CMTR2: variants seen among roughly 807,000 people sequenced by gnomAD.
CMTR2 encodes cap methyltransferase 2.
Under a neutral mutation model 49.8 loss-of-function variants are expected in CMTR2, and 40 were observed. The observed-to-expected ratio is 0.80, with a 90% CI of 0.62 to 1.04. CMTR2 has a LOEUF of 1.04. CMTR2 is among the 50% of genes least tolerant of loss of function. The pLI, the probability that CMTR2 is intolerant of heterozygous loss-of-function variation, is 0.00. For missense variants in CMTR2, 907 were observed against 897.2 expected (o/e 1.01, Z -0.14); for synonymous variants, 326 against 315.8 (o/e 1.03, Z -0.34).
At chr16:71,288,813 T>C (rs1344882777) in intron 2 of CMTR2, 65 bp downstream of exon 2, 1 of 152,224 alleles carries the variant, frequency 6.6e-6, no homozygotes, top group African/African-American at 2.4e-5. Context: ...TAGGCAGTTA[T>C]GTAGCCCCCG....
Position 71,281,819 on chromosome 16 carries a change from C to G in CMTR2, c.*1789G>C, listed in dbSNP as rs1029194595. ...GAAGGGCTTAAAGACAGTAATAATGCTAGAATCTGGACCCATGCCTTCAAC... is the reference window on the plus strand; with the variant it reads ...GAAGGGCTTAAAGACAGTAATAATGGTAGAATCTGGACCCATGCCTTCAAC... On this transcript the variant is annotated 3_prime_UTR_variant, in exon 3 of 3. Transcript: ENST00000434935. The G allele has an allele frequency of 7.2e-5, 11 of 151,972 alleles. No individual in the cohort carries two copies. The highest frequency in any genetic ancestry group is 6.6e-4 in the Admixed American group (10 of 15,252). 9.4% of individuals were successfully genotyped at this position (151,972 alleles called of 1,614,324 possible).
intron 1 of CMTR2, 72 bp downstream of exon 1, chr16:71,289,062 ACT>A (rs1210060068): frequency 6.6e-6 from 1 of 152,230 alleles, no homozygotes; most frequent in Non-Finnish European, 1.5e-5. Flanking sequence ...CCTGGAGGAA[ACT>A]CAGTCCCAGC....
At chr16:71,289,663 A>AGGGGGGGGGGGGGGGGGG (rs1259857977), upstream of CMTR2, 2 of 11,740 alleles carry the variant, frequency 1.7e-4, no homozygotes, top group Non-Finnish European at 1.6e-4. Context: ...GGGGAGGGGG[A>AGGGGGGGGGGGGGGGGGG]GGGAGGGAAG....
chr16:71,283,935 G>A lies in CMTR2; in HGVS notation c.1986C>T (p.Leu662=). The change falls in exon 3 of 3, where the codon CTC becomes CTT. Residue 662 remains leucine, a synonymous_variant. Coordinates refer to ENST00000434935, the MANE Select transcript of CMTR2 (RefSeq NM_018348.6). ...AAGTGATGAATCTAAAACAACTGTGGAGTACAAAGATCAAACCAGCCATAA... is the reference window on the plus strand; with the variant it reads ...AAGTGATGAATCTAAAACAACTGTGAAGTACAAAGATCAAACCAGCCATAA... ...TRFMAGLIFV[L]HSCFRFITFV... 1 of 1,614,070 alleles carries A rather than the reference G, an allele frequency of 6.2e-7. No homozygotes were observed. The highest frequency in any genetic ancestry group is 8.5e-7 in the Non-Finnish European group (1 of 1,179,950).
Position 71,283,428 on chromosome 16 carries a change from C to T in CMTR2, c.*180G>A, listed in dbSNP as rs2041644950. 1 of 658,696 alleles carries T rather than the reference C, an allele frequency of 1.5e-6. No individual in the cohort carries two copies. Among genetic ancestry groups the T allele is most frequent in the Non-Finnish European group, 2.6e-6 (1 of 390,706 alleles). The allele number at this position is 658,696 out of a possible 1,614,324, so 40.8% of individuals were successfully genotyped here. A position where few individuals can be genotyped will look rare whatever the true frequency, so the allele number is the denominator to read the frequency against. On this transcript the variant is annotated 3_prime_UTR_variant, in exon 3 of 3. Transcript: ENST00000434935. ...TCCACCACGTGGAAGAGCTCTATGC[C>T]TGTGGGTGTATATACCCTAGAGATC...
chr16:71,284,805 T>A lies in CMTR2; in HGVS notation c.1116A>T (p.Leu372=). Residue 372 remains leucine, a synonymous_variant, in exon 3 of 3, where the codon CTA becomes CTT. Coordinates refer to ENST00000434935, the MANE Select transcript of CMTR2 (RefSeq NM_018348.6). ...ECCVFFHKYQ[L]ETISENIRLF... is the part of the protein sequence containing the mutation. ...GACGAATGTTTTCAGAAATAGTCTC[T>A]AGCTGATATTTATGAAAGAACACAC... 1.2e-6 allele frequency: 2 copies of A among 1,613,916 alleles called. No homozygotes were observed. The highest frequency in any genetic ancestry group is 1.7e-6 in the Non-Finnish European group (2 of 1,179,970).
Position 71,285,771 on chromosome 16 carries a change from A to T in CMTR2, c.150T>A (p.Ser50Arg), listed in dbSNP as rs762200646. The part of the protein sequence containing the change: ...LNNEWQLPDP[S>R]EIFTCDHTEL... Reference sequence around the variant, plus strand: ...CAGTGTGGTCACAGGTGAAAATCTCACTGGGATCTGGTAACTGCCACTCAT... The same window carrying T: ...CAGTGTGGTCACAGGTGAAAATCTCTCTGGGATCTGGTAACTGCCACTCAT... The change falls in exon 3 of 3, where the codon AGT becomes AGA. Residue 50 changes from serine (S) to arginine (R), a missense_variant. Coordinates refer to ENST00000434935, the MANE Select transcript of CMTR2 (RefSeq NM_018348.6). The T allele has an allele frequency of 6.2e-7, 1 of 1,613,704 alleles. No homozygotes were observed. Among genetic ancestry groups the T allele is most frequent in the South Asian group, 1.1e-5 (1 of 91,054 alleles).
intron 2 of CMTR2, chr16:71,288,267 A>G (rs1479152773): frequency 3.3e-5 from 5 of 152,032 alleles, no homozygotes; most frequent in South Asian, 2.1e-4. Context: ...CCTCCTTCCA[A>G]TATTTGCTCA....
At chr16:71,287,367 T>G (rs1598120427) in intron 2 of CMTR2, 1 of 152,248 alleles carries the variant, frequency 6.6e-6, no homozygotes, top group East Asian at 1.9e-4. Flanking sequence ...TCTACCAGTT[T>G]GTAATTTCCT....
At position 71,285,126 on chromosome 16, in the gene CMTR2, A is replaced by C; in HGVS notation, c.795T>G (p.Thr265=). The C allele has an allele frequency of 6.2e-7, 1 of 1,614,192 alleles. No homozygotes were observed. ...GAACAAAAGAGCCACCGTTTCCAAG[A>C]GTGGTCAGAGCAGTGACAACTTCAC... ...HYCEVVTALT[T]LGNGGSFVLK... The change falls in exon 3 of 3, where the codon ACT becomes ACG. Residue 265 remains threonine, a synonymous_variant. Transcript: ENST00000434935.
At chr16:71,287,966 T>C (rs1312180660) in intron 2 of CMTR2, 2 of 152,236 alleles carry the variant, frequency 1.3e-5, no homozygotes, top group Admixed American at 6.5e-5. Context: ...TAACTTCACA[T>C]ACTAATTAAC....
chr16:71,284,415 C>A lies in CMTR2; in HGVS notation c.1506G>T (p.Leu502=), dbSNP rs2041675550. Residue 502 remains leucine (L), a synonymous_variant, in exon 3 of 3, where the codon CTG becomes CTT. Transcript: ENST00000434935. ...AAAAAGGAGAACATTTTACCTTTGG[C>A]AGTTTCTTTCCCTCCAAAATATGCC... ...HLWHILEGKK[L]PKVKCSPFCN... 6.2e-7 allele frequency: 1 copy of A among 1,613,776 alleles called. No homozygotes were observed. The highest frequency in any genetic ancestry group is 1.3e-5 in the African/African-American group (1 of 75,014).
In CMTR2 at chr16:71,283,002, T is replaced by G. The variant is rs951726983; in HGVS notation, c.*606A>C. 6.6e-6 allele frequency: 1 copy of G among 152,650 alleles called. No homozygotes were observed. The highest frequency in any genetic ancestry group is 1.5e-5 in the Non-Finnish European group (1 of 68,064). 9.5% of individuals were successfully genotyped at this position (152,650 alleles called of 1,614,324 possible). ...CATACAACAGCATACTAGTTTTATT[T>G]GAGCCATGTAAGAAAATAGGGTCAA... On this transcript the variant is annotated 3_prime_UTR_variant, in exon 3 of 3. Coordinates refer to ENST00000434935, the MANE Select transcript of CMTR2 (RefSeq NM_018348.6).
chr16:71,285,474 A>G lies in CMTR2; in HGVS notation c.447T>C (p.Ala149=). The part of the protein sequence containing the change: ...NSLHLCEAPG[A]FIASLNHYLK... ...AGTAGTGGTTGAGACTAGCTATAAA[A>G]GCTCCTGGAGCTTCACAAAGGTGTA... Residue 149 remains alanine (A), a synonymous_variant, in exon 3 of 3, where the codon GCT becomes GCC. Coordinates refer to ENST00000434935, the MANE Select transcript of CMTR2 (RefSeq NM_018348.6). 1 of 1,614,162 alleles carries G rather than the reference A, an allele frequency of 6.2e-7. No individual in the cohort carries two copies. The highest frequency in any genetic ancestry group is 1.1e-5 in the South Asian group (1 of 91,082).
chr16:71,285,859 T>A lies in CMTR2; in HGVS notation c.62A>T (p.Asp21Val), dbSNP rs541012112. The A allele has an allele frequency of 1.1e-5, 18 of 1,613,520 alleles. No individual in the cohort carries two copies. In the Admixed American group the frequency reaches 2.2e-4, roughly 19 times the overall value. ...GAGTTCAAAAATGTCAGCAAGAATATCTGGGCTGAATGACGCGGGACTTGC... is the reference window on the plus strand; with the variant it reads ...GAGTTCAAAAATGTCAGCAAGAATAACTGGGCTGAATGACGCGGGACTTGC... ...QLASPASFSP[D>V]ILADIFELFA... The change falls in exon 3 of 3, where the codon GAT (aspartate) becomes GTT (valine). Residue 21 changes from aspartate to valine, a missense_variant. Coordinates refer to ENST00000434935, the MANE Select transcript of CMTR2 (RefSeq NM_018348.6).
rs762377510 is a variant in CMTR2 at position 71,284,137 on chromosome 16, A to C, written c.1784T>G (p.Ile595Arg). 6.2e-7 allele frequency: 1 copy of C among 1,614,036 alleles called. No individual in the cohort carries two copies. Among genetic ancestry groups the C allele is most frequent in the South Asian group, 1.1e-5 (1 of 91,074 alleles). Residue 595 changes from isoleucine to arginine, a missense_variant, in exon 3 of 3, where the codon ATA (isoleucine) becomes AGA (arginine). Physicochemically the swap from Ile to Arg is moderately conservative, Grantham distance 97 (BLOSUM62 -3). Transcript: ENST00000434935. ...FSTLRNIKMH[I>R]PLEVRLLESA... ...TTCTAGGAGTCGAACTTCCAACGGT[A>C]TATGCATTTTGATATTACGGAGAGT...
Position 71,285,949 on chromosome 16 carries a change from G to C in CMTR2, c.-19-10C>G. 1.3e-6 allele frequency: 2 copies of C among 1,524,812 alleles called. No individual in the cohort carries two copies. The highest frequency in any genetic ancestry group is 1.8e-6 in the Non-Finnish European group (2 of 1,137,674). The allele number at this position is 1,524,812 out of a possible 1,614,324, so 94.5% of individuals were successfully genotyped here. ...CAAATCAAATTAAAATCTAGGAAGAGAAAACACATAATTAAATGAATCAAA... is the reference window on the plus strand; with the variant it reads ...CAAATCAAATTAAAATCTAGGAAGACAAAACACATAATTAAATGAATCAAA... On this transcript the variant is annotated splice_polypyrimidine_tract_variant and intron_variant, in intron 2 of 2. Transcript: ENST00000434935.
At chr16:71,288,113 C>T (rs577439489) in intron 2 of CMTR2, 1 of 152,280 alleles carries the variant, frequency 6.6e-6, no homozygotes, top group East Asian at 1.9e-4. Flanking sequence ...ATTACTACTC[C>T]CTTACTCACT....
intron 2 of CMTR2, 107 bp from the exon 3 acceptor site, chr16:71,286,046 G>T (rs2041721425): frequency 1.6e-5 from 12 of 768,190 alleles, no homozygotes; most frequent in South Asian, 1.5e-4. Flanking sequence ...AAATGGGAAG[G>T]CTAAAGTCAG....
Sources: allele counts gnomAD v4.1 joint callset, GRCh38; gene constraint gnomAD v4.1.1; transcripts MANE v1.5; gene names NCBI Gene and HGNC (gene_info 2026-07-23, HGNC 2026-07-21).